The following OPA1 variants were observed in gnomAD, a reference collection of about 807,000 sequenced individuals.
OPA1 encodes the protein OPA1 mitochondrial dynamin like GTPase.
OPA1 carries 59 observed loss-of-function variants against 152.9 expected under a neutral mutation model. That is an observed-to-expected ratio of 0.39 (90% CI 0.31 to 0.48). The LOEUF is 0.48. Among genes scored for constraint, OPA1 ranks in the 20% least tolerant of loss-of-function variants. OPA1 has a pLI of 0.96. For missense variants in OPA1, 1,008 were observed against 1,216.8 expected, an observed-to-expected ratio of 0.83 and a Z score of 2.55; for synonymous variants, 400 against 389.9, an observed-to-expected ratio of 1.03 and a Z score of -0.31.
chr3:193,615,167 G>T, intron 2 of OPA1, 126 bp downstream of exon 2: 3 of 782,214 alleles, frequency 3.8e-6, no homozygotes, highest in Non-Finnish European at 2.2e-6. Flanking sequence ...CTCTACCATG[G>T]ACTAGATTGT....
At chr3:193,688,861 C>T (rs1002215441) in intron 29 of OPA1, among the ~76,000 whole-genome samples, 2 of 152,190 alleles carry the variant, frequency 1.3e-5, no homozygotes, top group Non-Finnish European at 2.9e-5. Flanking sequence ...TGCTGCATGC[C>T]TGTGGTCCCA....
chr3:193,595,059 A>G (rs1038486276), intron 1 of OPA1, among the ~76,000 whole-genome samples: 2 of 152,232 alleles, frequency 1.3e-5, no homozygotes, highest in East Asian at 1.9e-4. Flanking sequence ...AATTATTTCT[A>G]AAGTTACCAT....
chr3:193,691,221 C>G (rs1560083192), intron 29 of OPA1, among the ~76,000 whole-genome samples: 1 of 152,120 alleles, frequency 6.6e-6, no homozygotes, highest in Admixed American at 6.5e-5. Context: ...ACCCCCATCT[C>G]AGAATATAAA....
intron 1 of OPA1, among the ~76,000 whole-genome samples, chr3:193,593,766 A>G (rs897229134): frequency 6.8e-6 from 1 of 147,742 alleles, no homozygotes; most frequent in African/African-American, 2.5e-5. Context: ...TCTCCCTGCC[A>G]GGTTTGGCTC....
In OPA1 at chr3:193,691,198, G is replaced by A. The variant is rs368194049; in HGVS notation, c.2984-865G>A. Among the ~76,000 whole-genome samples, 13 of 152,318 alleles carry A rather than the reference G, an allele frequency of 8.5e-5. No individual in the cohort carries two copies. In the East Asian group the frequency reaches 1.5e-3, roughly 18 times the overall value. ...CCAACACCACTGCACGCCAACCTGG[G>A]CGACAGAGTAGGACCCCCATCTCAG... On this transcript the variant is annotated intron_variant, in intron 29 of 30. Coordinates refer to ENST00000361510, the MANE Select transcript of OPA1 (RefSeq NM_130837.3).
At chr3:193,671,634 T>C (rs1191960332) in intron 29 of OPA1, among the ~76,000 whole-genome samples, 1 of 152,244 alleles carries the variant, frequency 6.6e-6, no homozygotes, top group Non-Finnish European at 1.5e-5. Context: ...CCATTATTCA[T>C]AGCGAATACA....
chr3:193,610,612 C>A (rs559290557), intron 1 of OPA1, among the ~76,000 whole-genome samples: 1 of 152,188 alleles, frequency 6.6e-6, no homozygotes, highest in Non-Finnish European at 1.5e-5. Context: ...GCCTTTTGTT[C>A]GGCTATGCCC....
In OPA1 at chr3:193,637,280, G is replaced by A. The variant is rs121908375; in HGVS notation, c.1034G>A (p.Arg345Gln). ...TATAATACGCAAGATCATCTGCCACGGGTATGTGAAAAATTGATAGTGAAC... is the reference window on the plus strand; with the variant it reads ...TATAATACGCAAGATCATCTGCCACAGGTATGTGAAAAATTGATAGTGAAC... ...ASYNTQDHLP[R>Q]VVVVGDQSAG... Residue 345 changes from arginine to glutamine, a missense_variant and splice_region_variant, in exon 10 of 31, where the codon CGG (arginine) becomes CAG (glutamine). Around this residue, in one of 7 missense-constraint regions of OPA1, gnomAD observed 9 missense variants for 34.2 expected, o/e 0.26. Coordinates refer to ENST00000361510, the MANE Select transcript of OPA1 (RefSeq NM_130837.3). The A allele has an allele frequency of 1.2e-6, 2 of 1,600,096 alleles. No homozygotes were observed. Among genetic ancestry groups the A allele is most frequent in the Non-Finnish European group, 1.7e-6 (2 of 1,169,094 alleles).
Position 193,593,393 on chromosome 3 carries a change from C to T in OPA1, c.16C>T (p.Arg6Trp). The T allele has an allele frequency of 1.3e-6, 2 of 1,547,874 alleles. No individual in the cohort carries two copies. Among genetic ancestry groups the T allele is most frequent in the Middle Eastern group, 1.9e-4 (1 of 5,222 alleles). MWRLR[R>W]AAVACEVCQS... ...CGCCGGCGGGATGTGGCGACTACGT[C>T]GGGCCGCTGTGGCCTGGTAAGTGCA... Residue 6 changes from arginine (R) to tryptophan (W), a missense_variant, in exon 1 of 31, where the codon CGG becomes TGG. Transcript: ENST00000361510.
chr3:193,653,473 CAG>C (rs911512283), intron 21 of OPA1, among the ~76,000 whole-genome samples: 3 of 152,012 alleles, frequency 2.0e-5, no homozygotes, highest in Admixed American at 6.6e-5. Flanking sequence ...CCCTGATAAG[CAG>C]AGTTTTTTTT....
intron 25 of OPA1, among the ~76,000 whole-genome samples, chr3:193,660,029 T>C (rs1403108794): frequency 6.6e-6 from 1 of 152,084 alleles, no homozygotes; most frequent in Non-Finnish European, 1.5e-5. Context: ...ATACCTGTTA[T>C]CCCAGCTACT....
rs1168691114 is a variant in OPA1, at chr3:193,695,382, C to T, written c.*782C>T. The T allele has an allele frequency of 1.3e-5, 2 of 152,078 alleles. No homozygotes were observed. Among genetic ancestry groups the T allele is most frequent in the African/African-American group, 2.4e-5 (1 of 41,408 alleles). The allele number at this position is 152,078 out of a possible 1,614,324, so 9.4% of individuals were successfully genotyped here. On this transcript the variant is annotated 3_prime_UTR_variant, in exon 31 of 31. Transcript: ENST00000361510. ...AGTGGTTTTTCTCCTGTTGACAGAG[C>T]CACCGGATTATGACACAGGATGAGG...
Position 193,642,843 on chromosome 3 carries a change from G to T in OPA1, c.1228G>T (p.Asp410Tyr). The change falls in exon 12 of 31, where the codon GAT becomes TAT. Residue 410 changes from aspartate (D) to tyrosine (Y), a missense_variant and splice_region_variant. By Grantham distance (160) the Asp-to-Tyr change is radical. Coordinates refer to ENST00000361510, the MANE Select transcript of OPA1 (RefSeq NM_130837.3). Reference sequence around the variant, plus strand: ...GGAGTTTGATCTTACCAAAGAAGAAGATGTAAGTAAAATTCATCTAAGGTT... The same window carrying T: ...GGAGTTTGATCTTACCAAAGAAGAATATGTAAGTAAAATTCATCTAAGGTT... ...SREFDLTKEE[D>Y]LAALRHEIEL... The T allele has an allele frequency of 6.2e-7, 1 of 1,610,386 alleles. No individual in the cohort carries two copies. The highest frequency in any genetic ancestry group is 8.5e-7 in the Non-Finnish European group (1 of 1,176,634).
chr3:193,686,381 TTCTG>T (rs979413504), intron 29 of OPA1, among the ~76,000 whole-genome samples: 3 of 152,156 alleles, frequency 2.0e-5, no homozygotes, highest in Admixed American at 6.5e-5. Flanking sequence ...TGCAGGAGTG[TTCTG>T]TCTGTCTTCA....
chr3:193,672,713 G>A (rs1170251485), intron 29 of OPA1, among the ~76,000 whole-genome samples: 1 of 151,934 alleles, frequency 6.6e-6, no homozygotes, highest in Non-Finnish European at 1.5e-5. Flanking sequence ...TACTAAAAAT[G>A]CGAAAATTAG....
At chr3:193,659,671 A>G in intron 25 of OPA1, 110 bp downstream of exon 25, 1 of 756,510 alleles carries the variant, frequency 1.3e-6, no homozygotes, top group South Asian at 1.7e-5. Flanking sequence ...GGAATATTAA[A>G]TGTTTTATAT....
chr3:193,675,087 C>T (rs1208839837), intron 29 of OPA1, among the ~76,000 whole-genome samples: 1 of 152,086 alleles, frequency 6.6e-6, no homozygotes, highest in Non-Finnish European at 1.5e-5. Context: ...TGAGACACAA[C>T]GTCACTTTGG....
intron 29 of OPA1, among the ~76,000 whole-genome samples, chr3:193,679,175 C>T (rs1393827407): frequency 1.3e-5 from 2 of 152,124 alleles, no homozygotes; most frequent in Non-Finnish European, 1.5e-5. Flanking sequence ...TTAAGTGCAG[C>T]AGACCACCAT....
At chr3:193,626,337 C>T in intron 7 of OPA1, 135 bp downstream of exon 7, 1 of 702,162 alleles carries the variant, frequency 1.4e-6, no homozygotes, top group Non-Finnish European at 2.6e-6. Context: ...ATAAAAGATG[C>T]ATCATATAAA....
Sources: gnomAD v4.1 joint callset for allele counts (sites outside exome capture counted in the v4.1 genomes callset) on GRCh38, gnomAD v4.1.1 for gene constraint, gnomAD v4.1.1 regional missense constraint, MANE v1.5 for transcripts, NCBI Gene and HGNC (gene_info 2026-07-23, HGNC 2026-07-21) for gene names.